CYP2J2: variants seen among roughly 807,000 people sequenced by gnomAD.
The protein encoded by CYP2J2 is cytochrome P450 2J2.
In CYP2J2, 41 loss-of-function variants were observed where a neutral mutation model predicts 48.8. The observed-to-expected ratio is 0.84, with a 90% CI of 0.66 to 1.09. The LOEUF is 1.09. Ranked by LOEUF, CYP2J2 falls within the 50% of genes least tolerant of loss-of-function variation. CYP2J2 has a pLI of 0.00. For missense variants in CYP2J2, 644 were observed against 617.3 expected, an observed-to-expected ratio of 1.04 and a Z score of -0.46; for synonymous variants, 221 against 227.1, an observed-to-expected ratio of 0.97 and a Z score of 0.24.
the CYP2J2 span, among the ~76,000 whole-genome samples, chr1:59,950,717 C>T: frequency 6.6e-6 from 1 of 152,164 alleles, no homozygotes; most frequent in African/African-American, 2.4e-5. Context: ...TCATCTCAGT[C>T]CTGTGTGCAC....
chr1:59,960,492 C>T, the CYP2J2 span, among the ~76,000 whole-genome samples: 4 of 152,198 alleles, frequency 2.6e-5, no homozygotes, highest in African/African-American at 9.6e-5. Flanking sequence ...GCTTATCAGT[C>T]TTTGACCACT....
At chr1:59,950,226 T>A in the CYP2J2 span, among the ~76,000 whole-genome samples, 1 of 152,148 alleles carries the variant, frequency 6.6e-6, no homozygotes, top group Non-Finnish European at 1.5e-5. Flanking sequence ...ATTTGGTAGG[T>A]ATGACGGAAG....
chr1:59,893,373 G>T lies in CYP2J2; in HGVS notation c.*278C>A, dbSNP rs1314222119. On this transcript the variant is annotated 3_prime_UTR_variant, in exon 9 of 9. Transcript: ENST00000371204. ...CCACTTAAAGCTCACCATTTCTTTT[G>T]ATTCTTACAAGAACTTTCTTTATGG... The T allele has an allele frequency of 2.2e-5, 7 of 320,144 alleles. No homozygotes were observed. The highest frequency in any genetic ancestry group is 4.0e-5 in the Non-Finnish European group (7 of 176,892). The allele number at this position is 320,144 out of a possible 1,614,324, so 19.8% of individuals were successfully genotyped here. A position where few individuals can be genotyped will look rare whatever the true frequency, so the allele number is the denominator to read the frequency against.
intron 1 of CYP2J2, among the ~76,000 whole-genome samples, chr1:59,921,970 C>T (rs1385763389): frequency 6.6e-6 from 1 of 152,148 alleles, no homozygotes; most frequent in Non-Finnish European, 1.5e-5. Context: ...TCAAACAACC[C>T]TAAATCCCTC....
the CYP2J2 span, among the ~76,000 whole-genome samples, chr1:59,948,141 C>A: frequency 6.6e-6 from 1 of 152,138 alleles, no homozygotes; most frequent in Non-Finnish European, 1.5e-5. Flanking sequence ...TTAACATAGT[C>A]TTAATTGCAT....
At chr1:59,951,907 C>A in the CYP2J2 span, among the ~76,000 whole-genome samples, 1 of 152,166 alleles carries the variant, frequency 6.6e-6, no homozygotes, top group South Asian at 2.1e-4. Flanking sequence ...CGCTTTTAAT[C>A]AAATCTCCTA....
the CYP2J2 span, among the ~76,000 whole-genome samples, chr1:59,947,621 G>A: frequency 2.0e-5 from 3 of 152,106 alleles, no homozygotes; most frequent in Non-Finnish European, 2.9e-5. Context: ...CCAGATCTAA[G>A]GCCATCGATG....
At chr1:59,957,388 C>T in the CYP2J2 span, among the ~76,000 whole-genome samples, 1 of 152,120 alleles carries the variant, frequency 6.6e-6, no homozygotes. Flanking sequence ...AACAAGTCAT[C>T]CTATTTCCTT....
the CYP2J2 span, among the ~76,000 whole-genome samples, chr1:59,961,800 C>A: frequency 6.6e-6 from 1 of 151,950 alleles, no homozygotes; most frequent in Non-Finnish European, 1.5e-5. Context: ...TCTGTCACAT[C>A]CAAACAATAG....
At chr1:59,921,003 C>A (rs753301732) in intron 1 of CYP2J2, among the ~76,000 whole-genome samples, 7 of 152,066 alleles carry the variant, frequency 4.6e-5, no homozygotes, top group African/African-American at 7.2e-5. Flanking sequence ...AAAATTTAGC[C>A]CAATTTCTTC....
chr1:59,901,014 C>T lies in CYP2J2; in HGVS notation c.1281G>A (p.Leu427=). 1 of 1,614,126 alleles carries T rather than the reference C, an allele frequency of 6.2e-7. No homozygotes were observed. Among genetic ancestry groups the T allele is most frequent in the Non-Finnish European group, 8.5e-7 (1 of 1,180,012 alleles). Residue 427 remains leucine (L), a synonymous_variant, in exon 8 of 9, where the codon CTG becomes CTA. Transcript: ENST00000371204. The stretch of plus-strand genomic sequence containing the variant: ...CCCTTTTCTTAAACTGTCCATTCTC[C>T]AGAAAATGGTCCGGATTGAATGTGT... ...TPDTFNPDHF[L]ENGQFKKREA...
chr1:59,911,641 T>G lies in CYP2J2; in HGVS notation c.651A>C (p.Glu217Asp). ...WFQQLLKLLD[E>D]VTYLEASKTC... Reference sequence around the variant, plus strand: ...TCTTTGAAGCCTCCAAGTATGTGACTTCATCTAGTAACTTCAGCAGCTGCT... The same window carrying G: ...TCTTTGAAGCCTCCAAGTATGTGACGTCATCTAGTAACTTCAGCAGCTGCT... The change falls in exon 4 of 9, where the codon GAA becomes GAC. Residue 217 changes from glutamate to aspartate, a missense_variant. By Grantham distance (45) the Glu-to-Asp change is conservative (BLOSUM62 2). Transcript: ENST00000371204. 6.2e-7 allele frequency: 1 copy of G among 1,612,874 alleles called. No individual in the cohort carries two copies. Among genetic ancestry groups the G allele is most frequent in the Non-Finnish European group, 8.5e-7 (1 of 1,179,306 alleles).
chr1:59,938,850 C>T, the CYP2J2 span, among the ~76,000 whole-genome samples: 7 of 152,240 alleles, frequency 4.6e-5, no homozygotes, highest in African/African-American at 1.2e-4. Context: ...GAGGTCCCTG[C>T]GGCTTTCCGC....
chr1:59,963,364 C>G, the CYP2J2 span, among the ~76,000 whole-genome samples: 1 of 152,194 alleles, frequency 6.6e-6, no homozygotes, highest in Non-Finnish European at 1.5e-5. Context: ...TCTCTCCTCT[C>G]GCATCTTTGG....
intron 4 of CYP2J2, among the ~76,000 whole-genome samples, chr1:59,911,050 C>T (rs1644409758): frequency 1.3e-5 from 2 of 152,168 alleles, no homozygotes; most frequent in Non-Finnish European, 2.9e-5. Flanking sequence ...GATGTAACCA[C>T]AAGAACACTT....
the CYP2J2 span, among the ~76,000 whole-genome samples, chr1:59,964,751 A>C: frequency 6.6e-6 from 1 of 152,350 alleles, no homozygotes; most frequent in Admixed American, 6.5e-5. Context: ...TTTCATTACA[A>C]CCTTTCAGAT....
At chr1:59,950,310 G>C in the CYP2J2 span, among the ~76,000 whole-genome samples, 2 of 152,158 alleles carry the variant, frequency 1.3e-5, no homozygotes, top group Non-Finnish European at 2.9e-5. Flanking sequence ...GTTCTTTTGT[G>C]AGCTGTCAAG....
At chr1:59,912,352 T>C (rs936541817) in intron 2 of CYP2J2, 41 bp from the exon 3 acceptor site, 2 of 1,570,630 alleles carry the variant, frequency 1.3e-6, no homozygotes, top group Non-Finnish European at 1.7e-6. Flanking sequence ...TCTGATTCCA[T>C]AATATGAATA....
At chr1:59,958,622 C>G in the CYP2J2 span, among the ~76,000 whole-genome samples, 13 of 152,144 alleles carry the variant, frequency 8.5e-5, 1 homozygote, top group Admixed American at 8.5e-4. Flanking sequence ...GTCTGCTGCT[C>G]TTGTTCATTG....
Sources: allele counts gnomAD v4.1 joint callset (sites outside exome capture counted in the v4.1 genomes callset), GRCh38; gene constraint gnomAD v4.1.1; transcripts MANE v1.5; gene names NCBI Gene and HGNC (gene_info 2026-07-23, HGNC 2026-07-21).